SPOCK1: variants seen among roughly 807,000 people sequenced by gnomAD.
The protein encoded by SPOCK1 is testican-1.
Under a neutral mutation model 55.3 loss-of-function variants are expected in SPOCK1, and 23 were observed. The ratio of observed to expected loss-of-function variants is 0.42; its 90% CI spans 0.30 to 0.59. The LOEUF (loss-of-function observed/expected upper bound fraction) is 0.59, where lower values mean the gene tolerates loss of function less well. SPOCK1 is among the 20% of genes least tolerant of loss of function. The pLI is 0.22. For synonymous variants in SPOCK1, 226 were observed against 221.0 expected, an observed-to-expected ratio of 1.02 and a Z score of -0.20; for missense variants, 499 against 552.5, an observed-to-expected ratio of 0.90 and a Z score of 0.97.
intron 2 of SPOCK1, among the ~76,000 whole-genome samples, chr5:137,483,289 C>T (rs987713392): frequency 2.6e-5 from 4 of 152,134 alleles, no homozygotes; most frequent in South Asian, 2.1e-4. Context: ...GCCAAGATCA[C>T]GCCATTGCAC....
rs559500826 is a variant in SPOCK1, at chr5:137,449,342, C to T, written c.186+49031G>A. Among the ~76,000 whole-genome samples the T allele has an allele frequency of 8.7e-4, 132 of 152,328 alleles. 1 individual carries two copies. Among genetic ancestry groups the T allele is most frequent in the Non-Finnish European group, 1.6e-3 (110 of 68,038 alleles). On this transcript the variant is annotated intron_variant, in intron 2 of 10. Transcript: ENST00000394945. ...GACTCAAAAACATCCTCTGCTCTAC[C>T]CCACCTCTCTCCTCTCAGCCTAAAT...
intron 6 of SPOCK1, among the ~76,000 whole-genome samples, chr5:137,067,060 C>T (rs2127005960): frequency 6.6e-6 from 1 of 151,530 alleles, no homozygotes; most frequent in South Asian, 2.1e-4. Context: ...AAGCTGAATT[C>T]CACAGAAGGC....
chr5:137,286,257 G>A (rs1003512564), intron 2 of SPOCK1, among the ~76,000 whole-genome samples: 1 of 152,082 alleles, frequency 6.6e-6, no homozygotes, highest in African/African-American at 2.4e-5. Flanking sequence ...TATATCACAT[G>A]GCCTCAAAAA....
At chr5:137,364,676 C>A (rs1561516142) in intron 2 of SPOCK1, among the ~76,000 whole-genome samples, 1 of 152,106 alleles carries the variant, frequency 6.6e-6, no homozygotes, top group East Asian at 1.9e-4. Context: ...TCTGAACCTG[C>A]CCCCCCGAGC....
At chr5:137,004,838 T>G (rs1245165999) in intron 6 of SPOCK1, among the ~76,000 whole-genome samples, 3 of 152,134 alleles carry the variant, frequency 2.0e-5, no homozygotes, top group African/African-American at 7.2e-5. Flanking sequence ...AAAATAGACT[T>G]CCTACAGGCA....
chr5:137,204,253 T>G (rs1755481801), intron 3 of SPOCK1, among the ~76,000 whole-genome samples: 3 of 152,226 alleles, frequency 2.0e-5, no homozygotes, highest in African/African-American at 7.2e-5. Flanking sequence ...TCAGAATATT[T>G]GTAGTGATAT....
intron 6 of SPOCK1, among the ~76,000 whole-genome samples, chr5:137,038,608 T>C (rs368693441): frequency 6.6e-6 from 1 of 152,224 alleles, no homozygotes; most frequent in African/African-American, 2.4e-5. Context: ...GCAGTGGCTT[T>C]AATTTACTTT....
At chr5:137,192,184 G>T (rs1322445509) in intron 3 of SPOCK1, among the ~76,000 whole-genome samples, 2 of 126,752 alleles carry the variant, frequency 1.6e-5, no homozygotes, top group Admixed American at 1.0e-4. Context: ...GTTGAGCCGA[G>T]ATCACACCAC....
rs1038604412 is a variant in SPOCK1 at position 137,230,374 on chromosome 5, A to G, written c.232+36636T>C. Reference sequence around the variant, plus strand: ...TTCCTGCAAAATGAATGTTAGAAGGAAACAGCGAGAGCAAAACAAAACACC... The same window carrying G: ...TTCCTGCAAAATGAATGTTAGAAGGGAACAGCGAGAGCAAAACAAAACACC... On this transcript the variant is annotated intron_variant, in intron 3 of 10. Transcript: ENST00000394945. Among the ~76,000 whole-genome samples, 3 of 152,354 alleles carry G rather than the reference A, an allele frequency of 2.0e-5. No homozygotes were observed. In the South Asian group the frequency reaches 6.2e-4, roughly 32 times the overall value.
At chr5:137,229,508 C>T (rs1449442203) in intron 3 of SPOCK1, among the ~76,000 whole-genome samples, 2 of 152,160 alleles carry the variant, frequency 1.3e-5, no homozygotes, top group Non-Finnish European at 2.9e-5. Context: ...TCACTTGAAT[C>T]ACAAGATTAG....
intron 2 of SPOCK1, among the ~76,000 whole-genome samples, chr5:137,463,381 G>T (rs948120160): frequency 1.3e-5 from 2 of 152,158 alleles, no homozygotes; most frequent in Admixed American, 6.5e-5. Context: ...ACTGGAGATC[G>T]TTATGTTAAG....
intron 5 of SPOCK1, 21 bp from the exon 6 acceptor site, chr5:137,067,850 A>C (rs1469590508): frequency 6.2e-7 from 1 of 1,600,230 alleles, no homozygotes; most frequent in Admixed American, 1.7e-5. Flanking sequence ...GAGACACAAC[A>C]GGTCTTAAGA....
intron 2 of SPOCK1, among the ~76,000 whole-genome samples, chr5:137,344,972 T>C (rs909378702): frequency 6.6e-6 from 1 of 152,230 alleles, no homozygotes; most frequent in Non-Finnish European, 1.5e-5. Flanking sequence ...AGAAGGTTCT[T>C]AGGCAGAGTC....
intron 2 of SPOCK1, among the ~76,000 whole-genome samples, chr5:137,279,157 G>A (rs1757125689): frequency 6.6e-6 from 1 of 152,164 alleles, no homozygotes; most frequent in South Asian, 2.1e-4. Flanking sequence ...CACCAAACTG[G>A]TATTTTCTAA....
chr5:136,989,639 C>T (rs535675760), intron 7 of SPOCK1, among the ~76,000 whole-genome samples: 3 of 152,130 alleles, frequency 2.0e-5, no homozygotes, highest in Admixed American at 6.5e-5. Context: ...CAAGGTCATA[C>T]AATTGTAGAA....
At chr5:137,121,522 C>T (rs1753683392) in intron 4 of SPOCK1, among the ~76,000 whole-genome samples, 1 of 149,906 alleles carries the variant, frequency 6.7e-6, no homozygotes, top group Non-Finnish European at 1.5e-5. Context: ...CTTGAATCAA[C>T]GTTTCCCTGT....
chr5:137,181,434 A>C (rs1258613048), intron 3 of SPOCK1, among the ~76,000 whole-genome samples: 2 of 152,222 alleles, frequency 1.3e-5, no homozygotes, highest in Non-Finnish European at 2.9e-5. Flanking sequence ...AGCACCAATC[A>C]ACAGGGGGCT....
intron 2 of SPOCK1, among the ~76,000 whole-genome samples, chr5:137,451,177 C>G (rs537759243): frequency 1.4e-3 from 220 of 152,290 alleles, no homozygotes; most frequent in African/African-American, 4.7e-3. Context: ...GATCCTTAGT[C>G]TAAAACAGAA....
chr5:137,486,944 T>C (rs1160055979), intron 2 of SPOCK1, among the ~76,000 whole-genome samples: 2 of 152,112 alleles, frequency 1.3e-5, no homozygotes, highest in African/African-American at 2.4e-5. Context: ...CTTGGCCAGA[T>C]GAAAGTACTG....
Sources: allele counts gnomAD v4.1 joint callset (sites outside exome capture counted in the v4.1 genomes callset), GRCh38; gene constraint gnomAD v4.1.1; transcripts MANE v1.5; gene names NCBI Gene and HGNC (gene_info 2026-07-23, HGNC 2026-07-21).